The following LRRN1 variants were observed in gnomAD, a reference collection of about 807,000 sequenced individuals.
LRRN1 encodes the protein leucine rich repeat neuronal 1, also known as leucine-rich repeat neuronal protein 1.
A neutral mutation model predicts 45.8 loss-of-function variants in LRRN1; 14 were observed. The observed-to-expected ratio is 0.31, with a 90% CI of 0.20 to 0.48. LRRN1 has a LOEUF of 0.48. Among genes scored for constraint, LRRN1 ranks in the 20% least tolerant of loss-of-function variants. The pLI is 0.99. For missense variants in LRRN1, 789 were observed against 874.2 expected (o/e 0.90, Z 1.23); for synonymous variants, 359 against 330.1 (o/e 1.09, Z -0.95).
chr3:3,803,896 C>T (rs905824318), intron 1 of LRRN1, among the ~76,000 whole-genome samples: 1 of 152,120 alleles, frequency 6.6e-6, no homozygotes, highest in Non-Finnish European at 1.5e-5. Flanking sequence ...CAGAATGTAG[C>T]CTCCCGAGTT....
chr3:3,840,090 A>C (rs1395184282), intron 1 of LRRN1, among the ~76,000 whole-genome samples: 2 of 152,154 alleles, frequency 1.3e-5, no homozygotes, highest in Non-Finnish European at 1.5e-5. Flanking sequence ...TTTTGCTATT[A>C]AGAATCATTT....
chr3:3,819,275 A>G (rs568599007), intron 1 of LRRN1, among the ~76,000 whole-genome samples: 2 of 152,258 alleles, frequency 1.3e-5, no homozygotes, highest in South Asian at 4.1e-4. Flanking sequence ...GTGTGAGCCA[A>G]TGTGCTCAAC....
intron 1 of LRRN1, among the ~76,000 whole-genome samples, chr3:3,807,382 A>ATAGG (rs1463075711): frequency 6.6e-6 from 1 of 152,098 alleles, no homozygotes; most frequent in African/African-American, 2.4e-5. Flanking sequence ...TTTTTCTTTG[A>ATAGG]TAGGAGCGTT....
Position 3,847,331 on chromosome 3 carries a change from T to C in LRRN1, c.*539T>C. ...GTTAGTTGACTGTACTGTAATGTTG[T>C]ATCAACTGAATTGAATGTTTGCCTT... On this transcript the variant is annotated 3_prime_UTR_variant, in exon 2 of 2. Coordinates refer to ENST00000319331, the MANE Select transcript of LRRN1 (RefSeq NM_020873.7). 1 of 166,980 alleles carries C rather than the reference T, an allele frequency of 6.0e-6. No homozygotes were observed. 10.3% of individuals were successfully genotyped at this position (166,980 alleles called of 1,614,324 possible).
rs1260426522 is a variant in LRRN1, at chr3:3,847,022, T to C, written c.*230T>C. ...CTGTGTTTGGTTTTTATTCTTATCA[T>C]TATTATGATTGTTATTATATTATTA... On this transcript the variant is annotated 3_prime_UTR_variant, in exon 2 of 2. Coordinates refer to ENST00000319331, the MANE Select transcript of LRRN1 (RefSeq NM_020873.7). The C allele has an allele frequency of 2.7e-6, 1 of 370,922 alleles. No individual in the cohort carries two copies. Among genetic ancestry groups the C allele is most frequent in the Admixed American group, 4.2e-5 (1 of 23,658 alleles). 23.0% of individuals were successfully genotyped at this position (370,922 alleles called of 1,614,324 possible).
intron 1 of LRRN1, among the ~76,000 whole-genome samples, chr3:3,837,650 C>G (rs1489379139): frequency 6.6e-6 from 1 of 152,072 alleles, no homozygotes; most frequent in East Asian, 1.9e-4. Flanking sequence ...TGGACAGCAG[C>G]AGGGTTCTGG....
intron 1 of LRRN1, among the ~76,000 whole-genome samples, chr3:3,811,272 A>G (rs1213988138): frequency 6.6e-6 from 1 of 152,228 alleles, no homozygotes; most frequent in Non-Finnish European, 1.5e-5. Context: ...AGACTGAGTT[A>G]GTCACATTGT....
In LRRN1 at chr3:3,821,174, T is replaced by C. The variant is rs553016601; in HGVS notation, c.-279+21255T>C. Among the ~76,000 whole-genome samples, 13 of 152,202 alleles carry C rather than the reference T, an allele frequency of 8.5e-5. No individual in the cohort carries two copies. The East Asian group carries it at 9.6e-4, about 11-fold the overall frequency. The stretch of plus-strand genomic sequence containing the variant: ...TCATGAACAACTAAGTTTGGAGATA[T>C]AGGGCTGTGCATGCCTAGTGTGGTG... On this transcript the variant is annotated intron_variant, in intron 1 of 1. Transcript: ENST00000319331.
Position 3,845,086 on chromosome 3 carries a change from T to C in LRRN1, c.445T>C (p.Tyr149His). Reference protein sequence around the residue: ...LQDLSNLQELYINHNQISTIS... With the variant: ...LQDLSNLQELHINHNQISTIS... ...AGACCTCAGCAACCTTCAAGAACTCTACATCAACCACAACCAAATTAGCAC... is the reference window on the plus strand; with the variant it reads ...AGACCTCAGCAACCTTCAAGAACTCCACATCAACCACAACCAAATTAGCAC... The change falls in exon 2 of 2, where the codon TAC becomes CAC. Residue 149 changes from tyrosine (Y) to histidine (H), a missense_variant. Physicochemically the swap from Tyr to His is moderately conservative, Grantham distance 83. Coordinates refer to ENST00000319331, the MANE Select transcript of LRRN1 (RefSeq NM_020873.7). The surrounding 1 kb of genome is among the most constrained non-coding windows in gnomAD (Gnocchi z 6.5). 1 of 1,614,178 alleles carries C rather than the reference T, an allele frequency of 6.2e-7. No individual in the cohort carries two copies. Among genetic ancestry groups the C allele is most frequent in the South Asian group, 1.1e-5 (1 of 91,076 alleles).
chr3:3,809,804 A>C (rs1692839470), intron 1 of LRRN1, among the ~76,000 whole-genome samples: 1 of 152,192 alleles, frequency 6.6e-6, no homozygotes, highest in Non-Finnish European at 1.5e-5. Context: ...CATGCATATA[A>C]AGTCCTTAGC....
rs538592328 is a variant in LRRN1 at position 3,848,756 on chromosome 3, C to T, written c.*1964C>T. 6.6e-6 allele frequency among the ~76,000 whole-genome samples: 1 copy of T among 152,138 alleles called. No individual in the cohort carries two copies. The highest frequency in any genetic ancestry group is 2.4e-5 in the African/African-American group (1 of 41,418). On this transcript the variant is annotated 3_prime_UTR_variant, in exon 2 of 2. Transcript: ENST00000319331. ...GCAGCTTACCCAGTTCGGACTCCTG[C>T]CAGTTCAGCGCTCTGCACTCCATTG... is the stretch of plus-strand genomic sequence containing the variant.
At chr3:3,830,516 C>T (rs962030038) in intron 1 of LRRN1, among the ~76,000 whole-genome samples, 1 of 152,184 alleles carries the variant, frequency 6.6e-6, no homozygotes, top group African/African-American at 2.4e-5. Context: ...TGTCCATTTT[C>T]AGGTGGTGTC....
intron 1 of LRRN1, among the ~76,000 whole-genome samples, chr3:3,842,581 A>C (rs551657211): frequency 3.3e-5 from 5 of 152,184 alleles, no homozygotes; most frequent in Non-Finnish European, 5.9e-5. Flanking sequence ...CAAAGTCGAA[A>C]GGTTAATAAT....
rs114877780 is a variant in LRRN1 at position 3,833,412 on chromosome 3, G to A, written c.-278-10952G>A. ...TTAAATGCAGAGTTCCTACTTAGTC[G>A]GCCCAAATCAATAAGTTCAGCCTGA... is the stretch of plus-strand genomic sequence containing the variant. On this transcript the variant is annotated intron_variant, in intron 1 of 1. Transcript: ENST00000319331. Among the ~76,000 whole-genome samples the A allele has an allele frequency of 5.4e-3, 815 of 152,160 alleles. 10 individuals are homozygous for A. The highest frequency in any genetic ancestry group is 0.019 in the African/African-American group (784 of 41,508).
rs1454218910 is a variant in LRRN1, at chr3:3,849,184, C to T, written c.*2392C>T. On this transcript the variant is annotated 3_prime_UTR_variant, in exon 2 of 2. Coordinates refer to ENST00000319331, the MANE Select transcript of LRRN1 (RefSeq NM_020873.7). ...TCGGCCCATAAAGCAAACATTTGAA[C>T]TTACACAGAATGAGCACTTAAATAC... 6.6e-6 allele frequency among the ~76,000 whole-genome samples: 1 copy of T among 152,162 alleles called. No homozygotes were observed. The highest frequency in any genetic ancestry group is 1.5e-5 in the Non-Finnish European group (1 of 68,026).
intron 1 of LRRN1, among the ~76,000 whole-genome samples, chr3:3,825,764 T>C (rs778016116): frequency 1.3e-5 from 2 of 152,204 alleles, no homozygotes; most frequent in Non-Finnish European, 1.5e-5. Flanking sequence ...TTTGGAAATG[T>C]AATGCTTCTT....
rs1251745834 is a variant in LRRN1 at position 3,799,573 on chromosome 3, G to C, written c.-625G>C. 6.6e-6 allele frequency: 1 copy of C among 152,104 alleles called. No individual in the cohort carries two copies. The highest frequency in any genetic ancestry group is 2.4e-5 in the African/African-American group (1 of 41,428). The allele number at this position is 152,104 out of a possible 1,614,324, so 9.4% of individuals were successfully genotyped here. ...CGGGCGGCGGCATCCCTAGGCGCCT[G>C]GGGCGCCTTCCTCCGGACCTGGCCG... On this transcript the variant is annotated 5_prime_UTR_variant, in exon 1 of 2. Transcript: ENST00000319331.
chr3:3,825,953 T>C (rs1396202952), intron 1 of LRRN1, among the ~76,000 whole-genome samples: 1 of 152,204 alleles, frequency 6.6e-6, no homozygotes, highest in Non-Finnish European at 1.5e-5. Context: ...TATACTTATA[T>C]TCAGAGGTTG....
intron 1 of LRRN1, among the ~76,000 whole-genome samples, chr3:3,842,366 T>G (rs571212445): frequency 6.6e-6 from 1 of 152,020 alleles, no homozygotes; most frequent in East Asian, 1.9e-4. Context: ...AATCATTTCC[T>G]ACTCCTGTCT....
Sources: gnomAD v4.1 joint callset for allele counts (sites outside exome capture counted in the v4.1 genomes callset) on GRCh38, gnomAD v4.1.1 for gene constraint, Gnocchi (gnomAD v3.1) non-coding constraint, MANE v1.5 for transcripts, NCBI Gene and HGNC (gene_info 2026-07-23, HGNC 2026-07-21) for gene names.